HSPA14: variants seen among roughly 807,000 people sequenced by gnomAD.
The protein encoded by HSPA14 is heat shock 70 kDa protein 14.
HSPA14 carries 37 observed loss-of-function variants against 65.5 expected under a neutral mutation model. The observed-to-expected ratio is 0.56, with a 90% CI of 0.43 to 0.74. The LOEUF (loss-of-function observed/expected upper bound fraction) is 0.74, where lower values mean the gene tolerates loss of function less well. HSPA14 is among the 30% of genes least tolerant of loss of function. The probability of loss-of-function intolerance (pLI) is 0.00; values close to 1 mark genes in which losing one functional copy is unlikely to be tolerated. For missense variants in HSPA14, 564 were observed against 607.6 expected (o/e 0.93, Z 0.75); for synonymous variants, 203 against 214.2 (o/e 0.95, Z 0.46).
chr10:14,853,195 A>G (rs1023264708), intron 8 of HSPA14, among the ~76,000 whole-genome samples: 4 of 152,124 alleles, frequency 2.6e-5, no homozygotes, highest in African/African-American at 9.7e-5. Flanking sequence ...ATAAAGACCT[A>G]TACTGCTTTT....
At chr10:14,843,291 TTG>T in intron 3 of HSPA14, 1 of 1,509,148 alleles carries the variant, frequency 6.6e-7, no homozygotes, top group East Asian at 2.5e-5. Context: ...GTTTTATAAT[TTG>T]TCTCAGCTCT....
At chr10:14,853,732 A>G (rs964423790) in intron 8 of HSPA14, among the ~76,000 whole-genome samples, 3 of 151,568 alleles carry the variant, frequency 2.0e-5, no homozygotes, top group Admixed American at 1.3e-4. Flanking sequence ...TTATTTATTT[A>G]TTTTGAGACA....
At chr10:14,839,478 T>A (rs753572721) in intron 1 of HSPA14, among the ~76,000 whole-genome samples, 12 of 150,596 alleles carry the variant, frequency 8.0e-5, no homozygotes, top group Non-Finnish European at 1.5e-4. Context: ...GGCATGAGAA[T>A]GGCTTGAACC....
At chr10:14,854,638 C>CAT (rs1834132838) in intron 9 of HSPA14, among the ~76,000 whole-genome samples, 1 of 152,176 alleles carries the variant, frequency 6.6e-6, no homozygotes, top group Non-Finnish European at 1.5e-5. Flanking sequence ...CTCTCAACAA[C>CAT]ATAATAGGTG....
intron 6 of HSPA14, 88 bp downstream of exon 6, chr10:14,849,899 C>A (rs533845146): frequency 4.0e-6 from 3 of 743,156 alleles, no homozygotes; most frequent in East Asian, 5.2e-5. Flanking sequence ...TTTTAAAGTA[C>A]CTTAGGCGAT....
chr10:14,845,552 C>CAGTTTGTTT (rs1834038468), intron 3 of HSPA14: 1 of 982,272 alleles, frequency 1.0e-6, no homozygotes, highest in African/African-American at 1.8e-5. Flanking sequence ...AATCCTGTCA[C>CAGTTTGTTT]AGTTTGTTTC....
intron 3 of HSPA14, chr10:14,844,355 T>C (rs1402837934): frequency 9.7e-7 from 1 of 1,029,336 alleles, no homozygotes; most frequent in East Asian, 1.0e-4. Context: ...TAAGGCAGAT[T>C]GGTTTACAAG....
At chr10:14,870,124 CAAATAT>C (rs374993174) in intron 12 of HSPA14, among the ~76,000 whole-genome samples, 14 of 151,990 alleles carry the variant, frequency 9.2e-5, no homozygotes, top group African/African-American at 3.4e-4. Context: ...CTCTTACTTA[CAAATAT>C]AATCTTAGTT....
chr10:14,844,428 T>C (rs1834018449), intron 3 of HSPA14: 1 of 994,380 alleles, frequency 1.0e-6, no homozygotes. Flanking sequence ...CTGGTCTAAC[T>C]TGACTGCTTC....
chr10:14,845,228 G>C (rs747768081), intron 3 of HSPA14: 272 of 985,078 alleles, frequency 2.8e-4, no homozygotes, highest in Non-Finnish European at 3.2e-4. Context: ...AAAGCTTTTA[G>C]TGATTTACTT....
At chr10:14,867,618 C>T in intron 11 of HSPA14, 118 bp from the exon 12 acceptor site, 1 of 837,982 alleles carries the variant, frequency 1.2e-6, no homozygotes, top group Non-Finnish European at 1.9e-6. Flanking sequence ...CTATTTTCTT[C>T]TCTTTGCCTA....
At chr10:14,863,276 G>A (rs566634292) in intron 10 of HSPA14, among the ~76,000 whole-genome samples, 4 of 152,120 alleles carry the variant, frequency 2.6e-5, no homozygotes, top group African/African-American at 4.8e-5. Flanking sequence ...GACCTATATC[G>A]TCTGAACAAA....
At chr10:14,849,914 T>C in intron 6 of HSPA14, 103 bp downstream of exon 6, 1 of 676,122 alleles carries the variant, frequency 1.5e-6, no homozygotes, top group Non-Finnish European at 2.5e-6. Context: ...GGCGATAAAA[T>C]TGTATTTGTA....
rs1833988263 is a variant in HSPA14 at position 14,842,570 on chromosome 10, T to C, written c.221+2413T>C. On this transcript the variant is annotated intron_variant, in intron 3 of 13. Coordinates refer to ENST00000378372, the MANE Select transcript of HSPA14 (RefSeq NM_016299.4). The surrounding 1 kb of genome is among the most constrained non-coding windows in gnomAD (Gnocchi z 5.2). ...ACCACACTGTCCATTTTATGATACGTTGGATCAGCTTCTCCGAAATCAGAT... is the reference window on the plus strand; with the variant it reads ...ACCACACTGTCCATTTTATGATACGCTGGATCAGCTTCTCCGAAATCAGAT... The C allele has an allele frequency of 1.8e-5, 27 of 1,536,040 alleles. No homozygotes were observed. The highest frequency in any genetic ancestry group is 7.3e-5 in the East Asian group (3 of 40,934).
At chr10:14,848,920 G>C (rs1834086778) in intron 5 of HSPA14, 25 bp downstream of exon 5, 2 of 1,177,780 alleles carry the variant, frequency 1.7e-6, no homozygotes, top group African/African-American at 3.1e-5. Context: ...ATATATAATA[G>C]TTACCTTTAA....
intron 12 of HSPA14, among the ~76,000 whole-genome samples, chr10:14,869,451 C>G (rs2131653079): frequency 1.3e-5 from 2 of 152,116 alleles, no homozygotes; most frequent in South Asian, 4.1e-4. Context: ...CATGCACCAC[C>G]ACACCTGGCT....
chr10:14,849,312 T>C (rs956380592), intron 5 of HSPA14: 33 of 432,526 alleles, frequency 7.6e-5, no homozygotes, highest in African/African-American at 6.1e-4. Flanking sequence ...AATTCTGGAA[T>C]AGATTGTTTA....
At chr10:14,851,022 C>T (rs1156640094) in intron 6 of HSPA14, 197 bp from the exon 7 acceptor site, 1 of 464,716 alleles carries the variant, frequency 2.2e-6, no homozygotes, top group African/African-American at 2.0e-5. Context: ...CTGAACATTA[C>T]AATTTTAAAC....
chr10:14,838,623 C>G (rs1833923937), intron 1 of HSPA14, 164 bp downstream of exon 1: 2 of 631,722 alleles, frequency 3.2e-6, no homozygotes, highest in African/African-American at 3.9e-5. Flanking sequence ...GGCCCGGCCT[C>G]GCGCCTGGCG....
Sources: gnomAD v4.1 joint callset for allele counts (sites outside exome capture counted in the v4.1 genomes callset) on GRCh38, gnomAD v4.1.1 for gene constraint, Gnocchi (gnomAD v3.1) non-coding constraint, MANE v1.5 for transcripts, NCBI Gene and HGNC (gene_info 2026-07-23, HGNC 2026-07-21) for gene names.